RB1: variants seen among roughly 807,000 people sequenced by gnomAD.
RB1 encodes the protein RB transcriptional corepressor 1, also known as retinoblastoma-associated protein.
In RB1, 18 loss-of-function variants were observed where a neutral mutation model predicts 135.4. The ratio of observed to expected loss-of-function variants is 0.13; its 90% CI spans 0.09 to 0.20. RB1 has a LOEUF of 0.20. Ranked by LOEUF, RB1 falls within the 10% of genes least tolerant of loss-of-function variation. The pLI is 1.00. For missense variants in RB1, 868 were observed against 1,110.0 expected (o/e 0.78, Z 3.10); for synonymous variants, 365 against 373.2 (o/e 0.98, Z 0.25).
At chr13:48,413,640 T>C (rs992084902) in intron 17 of RB1, among the ~76,000 whole-genome samples, 80 of 152,192 alleles carry the variant, frequency 5.3e-4, no homozygotes, top group Non-Finnish European at 1.9e-4. Flanking sequence ...GTAGCTCTTA[T>C]CCTGGGTCTC....
At chr13:48,326,226 A>G (rs2138062787) in intron 2 of RB1, among the ~76,000 whole-genome samples, 1 of 152,306 alleles carries the variant, frequency 6.6e-6, no homozygotes, top group East Asian at 1.9e-4. Context: ...TAAATCGAAT[A>G]CATAAGCAAA....
rs2138028119 is a variant in RB1 at position 48,304,053 on chromosome 13, A to G, written c.137+4A>G. 7.0e-7 allele frequency: 1 copy of G among 1,428,938 alleles called. No individual in the cohort carries two copies. The highest frequency in any genetic ancestry group is 1.4e-5 in the South Asian group (1 of 69,904). The allele number at this position is 1,428,938 out of a possible 1,614,324, so 88.5% of individuals were successfully genotyped here. On this transcript the variant is annotated splice_donor_region_variant and intron_variant, in intron 1 of 26. Coordinates refer to ENST00000267163, the MANE Select transcript of RB1 (RefSeq NM_000321.3). Reference sequence around the variant, plus strand: ...CGGAGGACCTGCCTCTCGTCAGGTGAGCGAGCAGAGCCGCCGTCGCCTCAC... The same window carrying G: ...CGGAGGACCTGCCTCTCGTCAGGTGGGCGAGCAGAGCCGCCGTCGCCTCAC...
intron 17 of RB1, among the ~76,000 whole-genome samples, chr13:48,400,186 T>C (rs762405976): frequency 1.3e-5 from 2 of 152,156 alleles, no homozygotes; most frequent in Admixed American, 6.6e-5. Flanking sequence ...CTCATTTATG[T>C]GTGTGACATT....
intron 17 of RB1, among the ~76,000 whole-genome samples, chr13:48,434,731 T>G (rs1593513738): frequency 1.3e-5 from 2 of 152,230 alleles, no homozygotes; most frequent in East Asian, 3.9e-4. Flanking sequence ...CCCTCCAGCC[T>G]CTCTACCCCT....
intron 2 of RB1, among the ~76,000 whole-genome samples, chr13:48,309,023 A>G (rs1208711923): frequency 6.6e-6 from 1 of 152,106 alleles, no homozygotes; most frequent in Non-Finnish European, 1.5e-5. Context: ...CTTACTGGAT[A>G]TTTGGGTTTT....
chr13:48,414,759 A>G (rs181676326), intron 17 of RB1, among the ~76,000 whole-genome samples: 1 of 152,356 alleles, frequency 6.6e-6, no homozygotes, highest in East Asian at 1.9e-4. Context: ...TCTGGACTAG[A>G]AAATTCATCT....
At position 48,480,675 on chromosome 13, in the gene RB1, A is replaced by G. The variant is rs886050279; in HGVS notation, c.*604A>G. The G allele has an allele frequency of 4.4e-6, 1 of 225,636 alleles. No individual in the cohort carries two copies. The highest frequency in any genetic ancestry group is 8.8e-6 in the Non-Finnish European group (1 of 113,284). The allele number at this position is 225,636 out of a possible 1,614,324, so 14.0% of individuals were successfully genotyped here. On this transcript the variant is annotated 3_prime_UTR_variant, in exon 27 of 27. Coordinates refer to ENST00000267163, the MANE Select transcript of RB1 (RefSeq NM_000321.3). Reference sequence around the variant, plus strand: ...ATCTGATATACTGTGTGCTTGTTTTATAAAATTTTGCTTTTAATTAAATAA... The same window carrying G: ...ATCTGATATACTGTGTGCTTGTTTTGTAAAATTTTGCTTTTAATTAAATAA...
chr13:48,377,305 G>T (rs1310147958), intron 13 of RB1, among the ~76,000 whole-genome samples: 3 of 152,100 alleles, frequency 2.0e-5, no homozygotes, highest in Non-Finnish European at 4.4e-5. Flanking sequence ...TGAAATCTTT[G>T]ATATTAAATT....
Position 48,481,615 on chromosome 13 carries a change from T to C in RB1, c.*1544T>C, listed in dbSNP as rs886050285. 2.2e-5 allele frequency: 5 copies of C among 231,232 alleles called. No homozygotes were observed. Among genetic ancestry groups the C allele is most frequent in the Admixed American group, 1.7e-4 (3 of 17,744 alleles). The allele number at this position is 231,232 out of a possible 1,614,324, so 14.3% of individuals were successfully genotyped here. A position where few individuals can be genotyped will look rare whatever the true frequency, so the allele number is the denominator to read the frequency against. Reference sequence around the variant, plus strand: ...TAGAAAACTTGACTCCATTTCATCATTGTTTCTGCATGAATATCATACAAA... The same window carrying C: ...TAGAAAACTTGACTCCATTTCATCACTGTTTCTGCATGAATATCATACAAA... On this transcript the variant is annotated 3_prime_UTR_variant, in exon 27 of 27. Coordinates refer to ENST00000267163, the MANE Select transcript of RB1 (RefSeq NM_000321.3).
intron 17 of RB1, among the ~76,000 whole-genome samples, chr13:48,435,447 T>C (rs189381361): frequency 1.3e-5 from 2 of 152,304 alleles, no homozygotes; most frequent in African/African-American, 4.8e-5. Flanking sequence ...TTGAGGGTTC[T>C]TTATATGTTC....
chr13:48,422,363 G>A (rs1949019264), intron 17 of RB1, among the ~76,000 whole-genome samples: 1 of 152,164 alleles, frequency 6.6e-6, no homozygotes, highest in African/African-American at 2.4e-5. Flanking sequence ...ATCGGGGCCT[G>A]TCGGGGTTGG....
chr13:48,341,458 G>T (rs1453067094), intron 2 of RB1: 1 of 151,958 alleles, frequency 6.6e-6, no homozygotes, highest in African/African-American at 2.4e-5. Context: ...GTTATGAAAA[G>T]TGCATATTTA....
chr13:48,333,192 A>G (rs1952351841), intron 2 of RB1: 1 of 394,926 alleles, frequency 2.5e-6, no homozygotes. Flanking sequence ...GTACCTCCAT[A>G]AAGCTGGAAA....
chr13:48,399,159 C>G (rs2804089), intron 17 of RB1, among the ~76,000 whole-genome samples: 137,722 of 152,024 alleles, frequency 0.91, 63,411 homozygotes, highest in East Asian at 1. Context: ...GAAGGGGTGA[C>G]AATGAGGTGA....
At chr13:48,411,399 G>T in intron 17 of RB1, 1 of 1,610,754 alleles carries the variant, frequency 6.2e-7, no homozygotes. Context: ...TCAGGCAGCA[G>T]ATTCATTGTC....
chr13:48,378,876 C>T (rs1228170000), intron 13 of RB1, among the ~76,000 whole-genome samples: 3 of 151,992 alleles, frequency 2.0e-5, no homozygotes, highest in South Asian at 2.1e-4. Context: ...TGACCAAAAA[C>T]GTTGTTATGC....
chr13:48,305,582 G>GA (rs929875346), intron 1 of RB1, among the ~76,000 whole-genome samples: 1 of 151,804 alleles, frequency 6.6e-6, no homozygotes, highest in African/African-American at 2.4e-5. Context: ...CCACTGCTTG[G>GA]AAAAAAGAGG....
chr13:48,355,757 A>G (rs1226493168), intron 6 of RB1, among the ~76,000 whole-genome samples: 1 of 152,052 alleles, frequency 6.6e-6, no homozygotes, highest in Non-Finnish European at 1.5e-5. Flanking sequence ...AACAAGGTCT[A>G]GTCATTTGCG....
chr13:48,354,533 C>A (rs1447200852), intron 6 of RB1, among the ~76,000 whole-genome samples: 1 of 152,102 alleles, frequency 6.6e-6, no homozygotes, highest in Admixed American at 6.6e-5. Context: ...AGATTCAATG[C>A]AATTCCTATC....
Sources: gnomAD v4.1 joint callset for allele counts (sites outside exome capture counted in the v4.1 genomes callset) on GRCh38, gnomAD v4.1.1 for gene constraint, MANE v1.5 for transcripts, NCBI Gene and HGNC (gene_info 2026-07-23, HGNC 2026-07-21) for gene names.